PHLPP1: variants seen among roughly 807,000 people sequenced by gnomAD.
PHLPP1 encodes the protein PH domain and leucine rich repeat protein phosphatase 1.
In PHLPP1, 42 loss-of-function variants were observed where a neutral mutation model predicts 117.2. The observed-to-expected ratio is 0.36, with a 90% CI of 0.28 to 0.46. The LOEUF is 0.46. PHLPP1 is among the 20% of genes least tolerant of loss of function. The probability of loss-of-function intolerance (pLI) is 1.00; values close to 1 mark genes in which losing one functional copy is unlikely to be tolerated. For missense variants in PHLPP1, 2,084 were observed against 2,241.9 expected (o/e 0.93, Z 1.42); for synonymous variants, 1,042 against 970.7 (o/e 1.07, Z -1.37).
chr18:62,797,150 C>G (rs1913650640), intron 1 of PHLPP1, among the ~76,000 whole-genome samples: 1 of 152,232 alleles, frequency 6.6e-6, no homozygotes, highest in Admixed American at 6.5e-5. Flanking sequence ...ACCTTCCGAC[C>G]TGTTTGGGTA....
At chr18:62,892,056 ATTTTCTTTC>A (rs1238846985) in intron 4 of PHLPP1, among the ~76,000 whole-genome samples, 7 of 133,042 alleles carry the variant, frequency 5.3e-5, no homozygotes, top group South Asian at 4.9e-4. Context: ...TTTTCTTTTC[ATTTTCTTTC>A]TTTTCTTTCT....
At chr18:62,750,457 A>G (rs552976356) in intron 1 of PHLPP1, among the ~76,000 whole-genome samples, 1 of 152,148 alleles carries the variant, frequency 6.6e-6, no homozygotes, top group African/African-American at 2.4e-5. Context: ...GATTACTAAT[A>G]TAGCCACTCT....
chr18:62,732,096 A>G (rs1568096921), intron 1 of PHLPP1, among the ~76,000 whole-genome samples: 1 of 152,262 alleles, frequency 6.6e-6, no homozygotes, highest in Admixed American at 6.5e-5. Flanking sequence ...GATCTCGCTA[A>G]GATCATTGAT....
intron 6 of PHLPP1, among the ~76,000 whole-genome samples, chr18:62,897,422 C>T (rs957440658): frequency 6.6e-6 from 1 of 152,212 alleles, no homozygotes; most frequent in African/African-American, 2.4e-5. Flanking sequence ...CTGCTTCCTT[C>T]CTGGCTCCTG....
intron 12 of PHLPP1, among the ~76,000 whole-genome samples, chr18:62,945,628 G>A (rs1009054023): frequency 3.9e-5 from 6 of 152,094 alleles, no homozygotes; most frequent in Non-Finnish European, 5.9e-5. Flanking sequence ...TGGTGTAATC[G>A]CAGTTTGAAA....
chr18:62,821,576 A>G (rs1431297400), intron 1 of PHLPP1, among the ~76,000 whole-genome samples: 21 of 149,838 alleles, frequency 1.4e-4, no homozygotes, highest in African/African-American at 5.1e-4. Context: ...AAAAAAGAAA[A>G]GAAAAAAGAA....
At chr18:62,924,876 A>G (rs1338919617) in intron 10 of PHLPP1, among the ~76,000 whole-genome samples, 2 of 150,914 alleles carry the variant, frequency 1.3e-5, no homozygotes, top group Admixed American at 6.7e-5. Context: ...TTAGAATAGT[A>G]TATATTAATC....
At chr18:62,829,157 G>C (rs909602938) in intron 1 of PHLPP1, among the ~76,000 whole-genome samples, 2 of 152,056 alleles carry the variant, frequency 1.3e-5, no homozygotes, top group African/African-American at 2.4e-5. Flanking sequence ...AGCATTGTAG[G>C]ACCCATTCTT....
intron 1 of PHLPP1, among the ~76,000 whole-genome samples, chr18:62,823,037 T>A (rs1914512810): frequency 6.6e-6 from 1 of 152,218 alleles, no homozygotes; most frequent in Non-Finnish European, 1.5e-5. Context: ...TTGAAATTGA[T>A]CATAGACTTA....
Position 62,901,359 on chromosome 18 carries a change from GT to G in PHLPP1, c.2445-1600del, listed in dbSNP as rs796657255. On this transcript the variant is annotated intron_variant, in intron 6 of 16. Transcript: ENST00000262719. Reference sequence around the variant, plus strand: ...TAAGCAGATTGCTGGGTCAAGGCCAGTTTTTAAATCTTACAACCTGGAATAA... The same window carrying G: ...TAAGCAGATTGCTGGGTCAAGGCCAGTTTTAAATCTTACAACCTGGAATAA... Among the ~76,000 whole-genome samples, 8 of 152,154 alleles carry G rather than the reference GT, an allele frequency of 5.3e-5. No homozygotes were observed. In the South Asian group the frequency reaches 1.7e-3, roughly 32 times the overall value.
intron 12 of PHLPP1, among the ~76,000 whole-genome samples, chr18:62,955,632 C>T (rs1181394006): frequency 6.6e-6 from 1 of 152,116 alleles, no homozygotes; most frequent in Admixed American, 6.5e-5. Flanking sequence ...TGCATTACAG[C>T]CTGCAGCATT....
intron 2 of PHLPP1, among the ~76,000 whole-genome samples, chr18:62,836,737 A>G (rs1177962475): frequency 6.7e-6 from 1 of 149,950 alleles, no homozygotes; most frequent in Non-Finnish European, 1.5e-5. Flanking sequence ...TTTTTTTGAG[A>G]CATTAAAAAA....
intron 1 of PHLPP1, among the ~76,000 whole-genome samples, chr18:62,753,367 A>G (rs895186559): frequency 7.9e-5 from 12 of 152,240 alleles, no homozygotes; most frequent in African/African-American, 2.2e-4. Context: ...GACTTTTACA[A>G]TATGGTTTAT....
In PHLPP1 at chr18:62,717,913, C is replaced by T. The variant is rs79129498; in HGVS notation, c.1576+654C>T. Among the ~76,000 whole-genome samples the T allele has an allele frequency of 7.7e-3, 1,172 of 152,232 alleles. 18 individuals carry two copies. Among genetic ancestry groups the T allele is most frequent in the African/African-American group, 0.027 (1,123 of 41,516 alleles). Reference sequence around the variant, plus strand: ...GTCTTGCATAAAAAAAAAGATTTTGCCTGTTTCTCTCATTTTCTTCCAGCC... The same window carrying T: ...GTCTTGCATAAAAAAAAAGATTTTGTCTGTTTCTCTCATTTTCTTCCAGCC... On this transcript the variant is annotated intron_variant, in intron 1 of 16. Transcript: ENST00000262719.
chr18:62,867,508 G>T (rs774451949), intron 4 of PHLPP1, among the ~76,000 whole-genome samples: 1 of 152,100 alleles, frequency 6.6e-6, no homozygotes, highest in Non-Finnish European at 1.5e-5. Context: ...TTCCTTTCTT[G>T]TGCTGGCTTG....
intron 1 of PHLPP1, among the ~76,000 whole-genome samples, chr18:62,747,766 C>T (rs1030183369): frequency 6.6e-6 from 1 of 152,140 alleles, no homozygotes; most frequent in Non-Finnish European, 1.5e-5. Flanking sequence ...GTGATCCTCT[C>T]GCCTTGGCCT....
At chr18:62,895,735 T>G (rs1456636039) in intron 5 of PHLPP1, 46 bp from the exon 6 acceptor site, 13 of 1,177,784 alleles carry the variant, frequency 1.1e-5, no homozygotes, top group Non-Finnish European at 1.6e-5. Flanking sequence ...AATAAAGATG[T>G]AAAATTTATA....
chr18:62,741,377 T>TTC (rs1911522366), intron 1 of PHLPP1, among the ~76,000 whole-genome samples: 1 of 152,104 alleles, frequency 6.6e-6, no homozygotes, highest in Admixed American at 6.5e-5. Context: ...TTTCCCTGAG[T>TTC]CTACTTAGTC....
chr18:62,933,598 A>G (rs775338335), intron 10 of PHLPP1, among the ~76,000 whole-genome samples: 1 of 152,168 alleles, frequency 6.6e-6, no homozygotes, highest in Non-Finnish European at 1.5e-5. Flanking sequence ...ACCTCCCACC[A>G]TATACAAAAA....
Sources: allele counts gnomAD v4.1 joint callset (sites outside exome capture counted in the v4.1 genomes callset), GRCh38; gene constraint gnomAD v4.1.1; transcripts MANE v1.5; gene names NCBI Gene and HGNC (gene_info 2026-07-23, HGNC 2026-07-21).